The following FIG4 variants were observed in gnomAD, a reference collection of about 807,000 sequenced individuals.
The protein encoded by FIG4 is FIG4 phosphoinositide 5-phosphatase, also known as polyphosphoinositide phosphatase.
Under a neutral mutation model 118.6 loss-of-function variants are expected in FIG4, and 112 were observed. The ratio of observed to expected loss-of-function variants is 0.94; its 90% CI spans 0.81 to 1.11. The LOEUF (loss-of-function observed/expected upper bound fraction) is 1.11, where lower values mean the gene tolerates loss of function less well. Among genes scored for constraint, FIG4 ranks in the 50% least tolerant of loss-of-function variants. FIG4 has a pLI of 0.00. For synonymous variants in FIG4, 369 were observed against 381.2 expected (o/e 0.97, Z 0.37); for missense variants, 969 against 1,111.7 (o/e 0.87, Z 1.83).
At chr6:109,701,598 A>C (rs866152637) in intron 1 of FIG4, 3 of 428,994 alleles carry the variant, frequency 7.0e-6, no homozygotes, top group Middle Eastern at 7.0e-4. Context: ...GATAATTTTT[A>C]CTCTTACTTG....
rs116598058 is a variant in FIG4 at position 109,815,135 on chromosome 6, A to G, written c.2547-9953A>G. 9.7e-4 allele frequency among the ~76,000 whole-genome samples: 147 copies of G among 152,248 alleles called. 1 individual carries two copies. Among genetic ancestry groups the G allele is most frequent in the African/African-American group, 3.4e-3 (140 of 41,556 alleles). On this transcript the variant is annotated intron_variant, in intron 22 of 22. Coordinates refer to ENST00000230124, the MANE Select transcript of FIG4 (RefSeq NM_014845.6). Reference sequence around the variant, plus strand: ...ATTCTAGCCTTCTCCAACAGTTAGGAAACTGGACTCCCATTACCCTCGTTA... The same window carrying G: ...ATTCTAGCCTTCTCCAACAGTTAGGGAACTGGACTCCCATTACCCTCGTTA...
At chr6:109,716,725 C>CA (rs1294505649) in intron 3 of FIG4, among the ~76,000 whole-genome samples, 157 bp downstream of exon 3, 2 of 152,190 alleles carry the variant, frequency 1.3e-5, no homozygotes, top group African/African-American at 2.4e-5. Flanking sequence ...AATCAGATAG[C>CA]AAACAGCGTT....
chr6:109,720,730 C>T (rs1009653166), intron 3 of FIG4, among the ~76,000 whole-genome samples: 4 of 152,172 alleles, frequency 2.6e-5, no homozygotes, highest in African/African-American at 4.8e-5. Flanking sequence ...TGTCTTTTCA[C>T]GGGCCGGTTC....
intron 1 of FIG4, among the ~76,000 whole-genome samples, chr6:109,707,349 A>G (rs1048095401): frequency 5.8e-5 from 6 of 102,636 alleles, no homozygotes; most frequent in African/African-American, 1.7e-4. Flanking sequence ...ATACATATAT[A>G]CATACATATA....
chr6:109,736,987 C>G (rs1206939303), intron 6 of FIG4, among the ~76,000 whole-genome samples: 1 of 152,128 alleles, frequency 6.6e-6, no homozygotes, highest in Non-Finnish European at 1.5e-5. Context: ...TCCTGTTTTC[C>G]TCTTTGACTT....
chr6:109,725,928 C>T (rs895302737), intron 3 of FIG4, among the ~76,000 whole-genome samples: 1 of 151,944 alleles, frequency 6.6e-6, no homozygotes, highest in African/African-American at 2.4e-5. Context: ...TATCCTTTGC[C>T]CACTTTTTGA....
chr6:109,806,622 CTT>C (rs869037957), intron 22 of FIG4, among the ~76,000 whole-genome samples: 3 of 142,174 alleles, frequency 2.1e-5, no homozygotes, highest in Admixed American at 1.4e-4. Context: ...ATTCAGGTTA[CTT>C]TTTTTTTTTT....
chr6:109,727,346 T>G (rs975523794), intron 4 of FIG4, 81 bp downstream of exon 4: 33 of 1,151,724 alleles, frequency 2.9e-5, no homozygotes, highest in Non-Finnish European at 4.1e-5. Context: ...TGGAATATAA[T>G]GGCATGGTCA....
Position 109,716,405 on chromosome 6 carries a change from T to G in FIG4, c.166-40T>G, listed in dbSNP as rs762147976. On this transcript the variant is annotated intron_variant, in intron 2 of 22. Transcript: ENST00000230124. ...GGCACAAATAATAAATAATCTAAAG[T>G]TTAAGCACAACCTTACAGAGTAAAT... 45 of 1,608,226 alleles carry G rather than the reference T, an allele frequency of 2.8e-5. No individual in the cohort carries two copies. The Admixed American group carries it at 7.5e-4, about 27-fold the overall frequency.
At chr6:109,783,602 A>G (rs1777870350) in intron 16 of FIG4, among the ~76,000 whole-genome samples, 1 of 152,258 alleles carries the variant, frequency 6.6e-6, no homozygotes, top group African/African-American at 2.4e-5. Flanking sequence ...TGTCTGACAC[A>G]TAGCAGGTGC....
intron 16 of FIG4, among the ~76,000 whole-genome samples, chr6:109,779,272 A>G (rs80236074): frequency 0.069 from 10,555 of 152,208 alleles, 612 homozygotes; most frequent in East Asian, 0.22. Flanking sequence ...GGGAACAGCC[A>G]TAACTCAATT....
intron 15 of FIG4, among the ~76,000 whole-genome samples, chr6:109,774,487 G>A (rs1404643548): frequency 2.0e-5 from 3 of 151,840 alleles, no homozygotes. Flanking sequence ...TTAGGTCAGA[G>A]GGTAAAAATA....
intron 4 of FIG4, 124 bp from the exon 5 acceptor site, chr6:109,732,513 T>C (rs1427697271): frequency 6.0e-6 from 4 of 666,566 alleles, no homozygotes; most frequent in East Asian, 5.4e-5. Flanking sequence ...ATTCTAGATA[T>C]GGTTTGAATT....
In FIG4 at chr6:109,760,907, C is replaced by T. The variant is rs541697647; in HGVS notation, c.1271+524C>T. 3.9e-4 allele frequency among the ~76,000 whole-genome samples: 60 copies of T among 152,298 alleles called. 1 individual carries two copies. The South Asian group carries it at 0.011, about 27-fold the overall frequency. On this transcript the variant is annotated intron_variant, in intron 11 of 22. Coordinates refer to ENST00000230124, the MANE Select transcript of FIG4 (RefSeq NM_014845.6). ...ATCCTAAGCCTCCATTCCTCTTCTT[C>T]ACCCTCCCTGGGATGCTTTCCCACC... is the stretch of plus-strand genomic sequence containing the variant.
intron 6 of FIG4, among the ~76,000 whole-genome samples, chr6:109,737,752 ACAT>A (rs1219684192): frequency 2.6e-5 from 4 of 152,192 alleles, no homozygotes; most frequent in African/African-American, 9.6e-5. Context: ...AAAAGGCCTG[ACAT>A]CATAATAACT....
At chr6:109,727,028 G>T (rs1183943986) in intron 3 of FIG4, 81 bp from the exon 4 acceptor site, 1 of 1,024,592 alleles carries the variant, frequency 9.8e-7, no homozygotes, top group South Asian at 1.3e-5. Context: ...ATGTATCAAA[G>T]GTCTTTGGCC....
chr6:109,762,241 A>G, intron 12 of FIG4, 34 bp downstream of exon 12: 2 of 1,327,458 alleles, frequency 1.5e-6, no homozygotes, highest in Non-Finnish European at 2.2e-6. Flanking sequence ...ATAATAAATG[A>G]TGATTTTTGC....
intron 1 of FIG4, among the ~76,000 whole-genome samples, chr6:109,706,459 T>C (rs1197039573): frequency 6.6e-6 from 1 of 152,192 alleles, no homozygotes; most frequent in Non-Finnish European, 1.5e-5. Context: ...TTCATGATTG[T>C]CAATTTGCAT....
rs1774618895 is a variant in FIG4 at position 109,693,624 on chromosome 6, A to AGTT, written c.66+2123_66+2124insGTT. Among the ~76,000 whole-genome samples, 3 of 152,322 alleles carry AGTT rather than the reference A, an allele frequency of 2.0e-5. No homozygotes were observed. The South Asian group carries it at 6.2e-4, about 32-fold the overall frequency. On this transcript the variant is annotated intron_variant, in intron 1 of 22. Coordinates refer to ENST00000230124, the MANE Select transcript of FIG4 (RefSeq NM_014845.6). ...GCAGGAAAGAGATAACAGGTTTGAG[A>AGTT]ACCCTCTCAGAGTACTGCCAAAAAC...
Sources: allele counts gnomAD v4.1 joint callset (sites outside exome capture counted in the v4.1 genomes callset), GRCh38; gene constraint gnomAD v4.1.1; transcripts MANE v1.5; gene names NCBI Gene and HGNC (gene_info 2026-07-23, HGNC 2026-07-21).